Variants in NEBL observed in about 807,000 individuals in gnomAD.
The protein encoded by NEBL is nebulette, also known as LIM and SH3 protein 2.
In NEBL, 122 loss-of-function variants were observed where a neutral mutation model predicts 140.2. The ratio of observed to expected loss-of-function variants is 0.87; its 90% CI spans 0.75 to 1.01. The LOEUF (loss-of-function observed/expected upper bound fraction) is 1.01, where lower values mean the gene tolerates loss of function less well. NEBL is among the 50% of genes least tolerant of loss of function. NEBL has a pLI of 0.00. For synonymous variants in NEBL, 436 were observed against 398.9 expected, an observed-to-expected ratio of 1.09 and a Z score of -1.11; for missense variants, 1,365 against 1,231.3, an observed-to-expected ratio of 1.11 and a Z score of -1.62.
At chr10:21,193,822 A>T (rs1209084232) in intron 3 of NEBL, among the ~76,000 whole-genome samples, 1 of 152,120 alleles carries the variant, frequency 6.6e-6, no homozygotes, top group Middle Eastern at 3.2e-3. Flanking sequence ...TGTTGTGGAG[A>T]TTTCTTCAGC....
At chr10:20,894,042 A>G (rs1588963465) in intron 2 of NEBL, among the ~76,000 whole-genome samples, 2 of 152,306 alleles carry the variant, frequency 1.3e-5, no homozygotes, top group Non-Finnish European at 2.9e-5. Flanking sequence ...GACCGTCCAC[A>G]TCTGTACCAC....
chr10:21,020,097 A>G, intron 3 of NEBL: 1 of 1,603,326 alleles, frequency 6.2e-7, no homozygotes, highest in Non-Finnish European at 8.5e-7. Flanking sequence ...AGGGAACAAA[A>G]CAAATCTTCT....
intron 4 of NEBL, among the ~76,000 whole-genome samples, chr10:20,908,068 G>A (rs544525462): frequency 7.5e-4 from 114 of 152,278 alleles, no homozygotes; most frequent in African/African-American, 2.6e-3. Context: ...ACCAGGTACC[G>A]AGAAAAGGTA....
intron 26 of NEBL, among the ~76,000 whole-genome samples, chr10:20,806,454 C>T (rs887193267): frequency 5.9e-5 from 9 of 152,220 alleles, no homozygotes; most frequent in Admixed American, 1.3e-4. Flanking sequence ...CATTTTTCTC[C>T]CAAAGCCCCA....
In NEBL at chr10:20,845,299, C is replaced by T. The variant is rs1841799106; in HGVS notation, c.1186G>A (p.Glu396Lys). Reference protein sequence around the residue: ...RSSLDLDKTPEFLHVKYITNL... With the variant: ...RSSLDLDKTPKFLHVKYITNL... ...GTGATGTACTTTACATGTAAAAATT[C>T]TGGAGTCTTGTCTAAATCCAGTGAT... The change falls in exon 12 of 28, where the codon GAA becomes AAA. Residue 396 changes from glutamate (E) to lysine (K), a missense_variant. Physicochemically the swap from Glu to Lys is moderately conservative, Grantham distance 56. Coordinates refer to ENST00000377122, the MANE Select transcript of NEBL (RefSeq NM_006393.3). The T allele has an allele frequency of 1.2e-6, 2 of 1,603,900 alleles. No individual in the cohort carries two copies. The highest frequency in any genetic ancestry group is 1.3e-5 in the African/African-American group (1 of 74,620).
intron 7 of NEBL, 129 bp downstream of exon 7, chr10:20,868,535 T>C (rs1274359507): frequency 1.3e-5 from 10 of 779,498 alleles, no homozygotes; most frequent in Middle Eastern, 2.9e-4. Context: ...CCATCTGAAC[T>C]GGGTTCAGAA....
At chr10:21,181,404 T>TA (rs938748875) in intron 3 of NEBL, among the ~76,000 whole-genome samples, 15 of 150,038 alleles carry the variant, frequency 1.0e-4, no homozygotes, top group African/African-American at 2.7e-4. Context: ...GTAAACTGGT[T>TA]AAAAAAAACA....
intron 12 of NEBL, chr10:20,841,635 G>A (rs2130978707): frequency 6.6e-6 from 1 of 152,260 alleles, no homozygotes; most frequent in African/African-American, 2.4e-5. Context: ...TGATAGCGAT[G>A]ATGATGGTGA....
intron 26 of NEBL, among the ~76,000 whole-genome samples, chr10:20,795,052 TA>T (rs1836376530): frequency 1.3e-5 from 2 of 152,194 alleles, no homozygotes; most frequent in African/African-American, 4.8e-5. Context: ...ATACTAAACC[TA>T]AATTATTACA....
intron 3 of NEBL, among the ~76,000 whole-genome samples, chr10:21,018,113 T>A (rs912511969): frequency 1.1e-4 from 16 of 152,280 alleles, no homozygotes; most frequent in African/African-American, 3.6e-4. Flanking sequence ...TGAGCCCCCG[T>A]GCCCAGCCTG....
intron 2 of NEBL, among the ~76,000 whole-genome samples, chr10:21,021,321 C>T (rs1304762301): frequency 6.6e-6 from 1 of 152,208 alleles, no homozygotes; most frequent in Non-Finnish European, 1.5e-5. Context: ...CAAATGTTCT[C>T]AAATGCAAAT....
intron 4 of NEBL, among the ~76,000 whole-genome samples, chr10:20,946,143 C>T (rs1387009668): frequency 6.6e-6 from 1 of 152,152 alleles, no homozygotes; most frequent in East Asian, 1.9e-4. Flanking sequence ...CTGCTTGAGT[C>T]TTGAACAGCT....
rs376455989 is a variant in NEBL at position 21,198,644 on chromosome 10, T to C, written n.349-26167A>G. 4.6e-4 allele frequency among the ~76,000 whole-genome samples: 70 copies of C among 152,268 alleles called. No individual in the cohort carries two copies. The East Asian group carries it at 0.011, about 24-fold the overall frequency. On this transcript the variant is annotated intron_variant and non_coding_transcript_variant, in intron 3 of 8. Coordinates refer to the NEBL transcript ENST00000675702. ...TATTCCAGAAGTCCCTTTGTGTCTG[T>C]CCCTCCATAAAGAGCCTCCCCATTG...
intron 17 of NEBL, among the ~76,000 whole-genome samples, chr10:20,827,267 G>A (rs1230734481): frequency 6.6e-6 from 1 of 152,202 alleles, no homozygotes; most frequent in African/African-American, 2.4e-5. Context: ...AGCACGGTAG[G>A]AGAGATGTTT....
At chr10:20,817,475 T>C in intron 21 of NEBL, 125 bp downstream of exon 21, 1 of 854,322 alleles carries the variant, frequency 1.2e-6, no homozygotes, top group Non-Finnish European at 1.9e-6. Flanking sequence ...TTCAAATAAG[T>C]TGTTAGTCAA....
chr10:21,250,195 G>T (rs1381018988), intron 2 of NEBL, among the ~76,000 whole-genome samples: 2 of 152,200 alleles, frequency 1.3e-5, no homozygotes, highest in Non-Finnish European at 2.9e-5. Context: ...GGAGATTAAT[G>T]TTTGAGTCCA....
intron 3 of NEBL, among the ~76,000 whole-genome samples, chr10:21,186,889 C>G (rs1435485692): frequency 7.3e-5 from 11 of 151,654 alleles, no homozygotes; most frequent in African/African-American, 2.7e-4. Context: ...AAAGCCTGTA[C>G]ATGTTCAGTA....
At chr10:20,919,893 A>T (rs1002903749) in intron 4 of NEBL, among the ~76,000 whole-genome samples, 1 of 152,206 alleles carries the variant, frequency 6.6e-6, no homozygotes, top group Non-Finnish European at 1.5e-5. Flanking sequence ...CACTGCAAGC[A>T]AAAGCAAGGT....
intron 2 of NEBL, among the ~76,000 whole-genome samples, chr10:21,085,199 T>A (rs1316987532): frequency 1.3e-5 from 2 of 152,234 alleles, no homozygotes; most frequent in Non-Finnish European, 2.9e-5. Context: ...ATGCTAATCT[T>A]GAAACATTTA....
Sources: allele counts gnomAD v4.1 joint callset (sites outside exome capture counted in the v4.1 genomes callset), GRCh38; gene constraint gnomAD v4.1.1; transcripts MANE v1.5; gene names NCBI Gene and HGNC (gene_info 2026-07-23, HGNC 2026-07-21).